Variants in EBF1 observed in about 807,000 individuals in gnomAD.
EBF1 encodes the protein transcription factor COE1.
In EBF1, 10 loss-of-function variants were observed where a neutral mutation model predicts 68.4. That is an observed-to-expected ratio of 0.15 (90% CI 0.09 to 0.25). The LOEUF (loss-of-function observed/expected upper bound fraction) is 0.25. Ranked by LOEUF, EBF1 falls within the 10% of genes least tolerant of loss-of-function variation. EBF1 has a pLI of 1.00. For missense variants in EBF1, 509 were observed against 794.4 expected (o/e 0.64, Z 4.32); for synonymous variants, 298 against 299.8 (o/e 0.99, Z 0.06).
At chr5:159,030,122 CAT>C (rs547512166) in intron 6 of EBF1, among the ~76,000 whole-genome samples, 206 of 151,016 alleles carry the variant, frequency 1.4e-3, no homozygotes, top group Middle Eastern at 3.4e-3. Flanking sequence ...CTTTGTTTTA[CAT>C]ATATATATAT....
At chr5:159,026,904 C>T (rs975876255) in intron 6 of EBF1, among the ~76,000 whole-genome samples, 25 of 152,148 alleles carry the variant, frequency 1.6e-4, no homozygotes, top group Non-Finnish European at 1.5e-5. Flanking sequence ...CAAACAAATT[C>T]CCACTTGGGG....
Position 159,086,057 on chromosome 5 carries a change from C to T in EBF1, c.412-1318G>A, listed in dbSNP as rs533173519. Among the ~76,000 whole-genome samples the T allele has an allele frequency of 3.9e-5, 6 of 152,204 alleles. No homozygotes were observed. In the East Asian group the frequency reaches 1.2e-3, roughly 29 times the overall value. ...ATCGAAACCACTTTTTATGGCTAAC[C>T]TATAATACCTTGTATTTTAAAAATT... On this transcript the variant is annotated intron_variant, in intron 4 of 15. Transcript: ENST00000313708.
chr5:158,854,541 G>A (rs1044109159), intron 6 of EBF1, among the ~76,000 whole-genome samples: 4 of 152,156 alleles, frequency 2.6e-5, no homozygotes, highest in Non-Finnish European at 5.9e-5. Context: ...TAGAGACACA[G>A]GGAAAACCTC....
chr5:159,084,581 A>G, intron 5 of EBF1, 85 bp downstream of exon 5: 2 of 1,260,510 alleles, frequency 1.6e-6, no homozygotes, highest in Non-Finnish European at 2.1e-6. Flanking sequence ...CAAAAAAAAA[A>G]AAAAAGACCA....
intron 6 of EBF1, among the ~76,000 whole-genome samples, chr5:159,053,605 T>TCACACACACACA (rs3062333): frequency 6.2e-5 from 9 of 146,308 alleles, no homozygotes; most frequent in African/African-American, 2.3e-4. Context: ...TCTCTCTCTC[T>TCACACACACACA]CACACACACA....
chr5:158,978,148 T>C (rs1226805405), intron 6 of EBF1, among the ~76,000 whole-genome samples: 1 of 152,252 alleles, frequency 6.6e-6, no homozygotes, highest in African/African-American at 2.4e-5. Flanking sequence ...TTCTCACTTA[T>C]GACATGATTG....
At chr5:158,933,701 C>T (rs893675506) in intron 6 of EBF1, among the ~76,000 whole-genome samples, 13 of 152,200 alleles carry the variant, frequency 8.5e-5, no homozygotes, top group African/African-American at 2.2e-4. Context: ...TGGTCACTCA[C>T]CTTATTTCTC....
intron 3 of EBF1, chr5:159,096,103 C>T: frequency 1.7e-6 from 1 of 578,338 alleles, no homozygotes; most frequent in Non-Finnish European, 3.1e-6. Context: ...GAAAGTGGCT[C>T]AGGGAGGGAT....
At chr5:158,897,042 A>G (rs1802316658) in intron 6 of EBF1, among the ~76,000 whole-genome samples, 1 of 152,228 alleles carries the variant, frequency 6.6e-6, no homozygotes, top group South Asian at 2.1e-4. Context: ...TTAAGGGTCT[A>G]TTAGACCCTT....
chr5:158,845,840 T>A (rs1164976749), intron 6 of EBF1, among the ~76,000 whole-genome samples: 1 of 152,150 alleles, frequency 6.6e-6, no homozygotes, highest in Non-Finnish European at 1.5e-5. Flanking sequence ...CAGTCAGAAC[T>A]GAAGGGCACA....
At chr5:158,775,503 T>C (rs908772407) in intron 10 of EBF1, among the ~76,000 whole-genome samples, 4 of 152,074 alleles carry the variant, frequency 2.6e-5, no homozygotes, top group Admixed American at 2.6e-4. Flanking sequence ...TCTCCTTTTC[T>C]TGTTCTTAAT....
intron 6 of EBF1, among the ~76,000 whole-genome samples, chr5:158,911,411 C>A (rs1805945084): frequency 6.6e-6 from 1 of 152,114 alleles, no homozygotes; most frequent in Non-Finnish European, 1.5e-5. Context: ...GCTAGCTACA[C>A]TAGCTACAAA....
intron 6 of EBF1, among the ~76,000 whole-genome samples, chr5:159,059,902 G>A (rs1289553257): frequency 2.0e-5 from 3 of 152,184 alleles, no homozygotes; most frequent in African/African-American, 7.2e-5. Context: ...CTGACACAAA[G>A]TCAATGATAT....
intron 6 of EBF1, among the ~76,000 whole-genome samples, chr5:158,947,831 G>C (rs989568511): frequency 6.6e-6 from 1 of 152,090 alleles, no homozygotes; most frequent in African/African-American, 2.4e-5. Context: ...TGTAGAAATG[G>C]AGGTTGAAGG....
chr5:158,863,953 C>T (rs917686898), intron 6 of EBF1, among the ~76,000 whole-genome samples: 1 of 152,060 alleles, frequency 6.6e-6, no homozygotes, highest in Non-Finnish European at 1.5e-5. Context: ...ACTCAGGGGC[C>T]AGGTGTGGTG....
At chr5:158,929,705 GA>G (rs34417897) in intron 6 of EBF1, among the ~76,000 whole-genome samples, 10,539 of 152,130 alleles carry the variant, frequency 0.069, 475 homozygotes, top group Non-Finnish European at 0.093. Context: ...TGTGTACAGA[GA>G]AAAAAAGCCC....
chr5:158,771,275 TAC>T (rs1199282157), intron 10 of EBF1, among the ~76,000 whole-genome samples: 1 of 152,158 alleles, frequency 6.6e-6, no homozygotes, highest in African/African-American at 2.4e-5. Context: ...AGGATTGCAT[TAC>T]ATACATTAAC....
chr5:158,954,172 C>T (rs1181903544), intron 6 of EBF1, among the ~76,000 whole-genome samples: 1 of 151,754 alleles, frequency 6.6e-6, no homozygotes, highest in East Asian at 1.9e-4. Context: ...TTTCCTGATA[C>T]ATGTTGAGAT....
At chr5:158,737,341 T>C (rs927559337) in intron 10 of EBF1, among the ~76,000 whole-genome samples, 1 of 125,758 alleles carries the variant, frequency 8.0e-6, no homozygotes, top group African/African-American at 3.0e-5. Flanking sequence ...TGGAGTGCAG[T>C]GGCGCGATCT....
Sources: gnomAD v4.1 joint callset for allele counts (sites outside exome capture counted in the v4.1 genomes callset) on GRCh38, gnomAD v4.1.1 for gene constraint, MANE v1.5 for transcripts, NCBI Gene and HGNC (gene_info 2026-07-23, HGNC 2026-07-21) for gene names.